Variants in SH3BGRL observed in about 807,000 individuals in gnomAD.
The protein encoded by SH3BGRL is adapter SH3BGRL.
Under a neutral mutation model 9.8 loss-of-function variants are expected in SH3BGRL, and 7 were observed. The ratio of observed to expected loss-of-function variants is 0.72; its 90% confidence interval spans 0.41 to 1.35. The LOEUF (loss-of-function observed/expected upper bound fraction) is 1.35. Ranked by LOEUF, SH3BGRL falls within the 40% of genes most tolerant of loss-of-function variation. The pLI, the probability that SH3BGRL is intolerant of heterozygous loss-of-function variation, is 0.01. For missense variants in SH3BGRL, 73 were observed against 84.4 expected, an observed-to-expected ratio of 0.86 and a Z score of 0.53; for synonymous variants, 36 against 29.1, an observed-to-expected ratio of 1.24 and a Z score of -0.76.
At chrX:81,239,945 GA>G (rs2075662568) in intron 1 of SH3BGRL, among the ~76,000 whole-genome samples, 3 of 112,048 alleles carry the variant, frequency 2.7e-5, no homozygotes, top group African/African-American at 9.7e-5. Flanking sequence ...ACTTGAAGGA[GA>G]AATATTTTCC....
chrX:81,224,867 A>C (rs2075611826), intron 1 of SH3BGRL, among the ~76,000 whole-genome samples: 1 of 109,964 alleles, frequency 9.1e-6, no homozygotes, highest in Admixed American at 9.8e-5. Flanking sequence ...TCAACTCTGG[A>C]GTTGGGAACA....
intron 1 of SH3BGRL, among the ~76,000 whole-genome samples, chrX:81,273,649 G>GTT (rs11354793): frequency 4.2e-5 from 3 of 70,928 alleles, no homozygotes; most frequent in African/African-American, 1.1e-4. Flanking sequence ...TGGTTAAATG[G>GTT]TTTTTTTTTT....
Position 81,231,721 on chromosome X carries a change from A to T in SH3BGRL, c.45+29476A>T, listed in dbSNP as rs1217623920. Among the ~76,000 whole-genome samples the T allele has an allele frequency of 3.6e-5, 4 of 111,861 alleles. 1 individual carries two copies. Among genetic ancestry groups the T allele is most frequent in the Admixed American group, 2.8e-4 (3 of 10,567 alleles). On this transcript the variant is annotated intron_variant, in intron 1 of 3. Transcript: ENST00000373212. ...TTATAGTGGCAATAATTCTAAGGAGAACCTTTTGGAGCTCAGTCAGCTTAC... is the reference window on the plus strand; with the variant it reads ...TTATAGTGGCAATAATTCTAAGGAGTACCTTTTGGAGCTCAGTCAGCTTAC...
chrX:81,215,204 A>G (rs999006981), intron 1 of SH3BGRL, among the ~76,000 whole-genome samples: 13 of 110,385 alleles, frequency 1.2e-4, no homozygotes, highest in African/African-American at 4.3e-4. Flanking sequence ...CTAGAATTTC[A>G]TACTTCTACA....
At chrX:81,237,137 G>C (rs1195576724) in intron 1 of SH3BGRL, 2 of 761,582 alleles carry the variant, frequency 2.6e-6, no homozygotes, top group Non-Finnish European at 3.5e-6. Context: ...GGATCAAGAT[G>C]GTGAAATAGA....
intron 3 of SH3BGRL, among the ~76,000 whole-genome samples, chrX:81,290,956 G>T (rs894688160): frequency 9.0e-6 from 1 of 111,491 alleles, no homozygotes; most frequent in Non-Finnish European, 1.9e-5. Flanking sequence ...GGTCATTTTT[G>T]CATTATTATA....
intron 1 of SH3BGRL, among the ~76,000 whole-genome samples, chrX:81,266,367 A>T (rs1323287207): frequency 9.0e-6 from 1 of 111,408 alleles, no homozygotes; most frequent in African/African-American, 3.3e-5. Flanking sequence ...TCTTGAGTTG[A>T]TTTTTGTATA....
At chrX:81,236,128 G>A (rs1371746399) in intron 1 of SH3BGRL, among the ~76,000 whole-genome samples, 1 of 111,521 alleles carries the variant, frequency 9.0e-6, no homozygotes, top group Non-Finnish European at 1.9e-5. Context: ...ACTTCAGTGT[G>A]TATAGCCTAC....
At chrX:81,253,453 A>G (rs1055742094) in intron 1 of SH3BGRL, among the ~76,000 whole-genome samples, 1 of 111,512 alleles carries the variant, frequency 9.0e-6, no homozygotes, top group Admixed American at 9.6e-5. Context: ...TCCTGGCCTC[A>G]AGCAAACCTC....
intron 1 of SH3BGRL, among the ~76,000 whole-genome samples, chrX:81,216,561 C>T (rs911978210): frequency 3.6e-5 from 4 of 110,771 alleles, no homozygotes; most frequent in Non-Finnish European, 7.6e-5. Flanking sequence ...TATTTTTGTA[C>T]CCATTAACCA....
intron 1 of SH3BGRL, among the ~76,000 whole-genome samples, chrX:81,231,588 G>C (rs1270590863): frequency 1.8e-5 from 2 of 112,305 alleles, no homozygotes; most frequent in Non-Finnish European, 3.8e-5. Flanking sequence ...GTTTGTTGCT[G>C]TATGTAGCTG....
intron 1 of SH3BGRL, among the ~76,000 whole-genome samples, chrX:81,268,542 A>G (rs2147705783): frequency 9.0e-6 from 1 of 110,934 alleles, no homozygotes; most frequent in South Asian, 3.8e-4. Flanking sequence ...TGAGATTCTT[A>G]CTCCTGAGTT....
chrX:81,258,103 G>A (rs1202582407), intron 1 of SH3BGRL, among the ~76,000 whole-genome samples: 3 of 110,813 alleles, frequency 2.7e-5, no homozygotes, highest in African/African-American at 9.9e-5. Context: ...CCTTTTTACT[G>A]CTGAAATCAG....
At chrX:81,286,498 CAAAAAAAAAAAAAAAAA>C (rs570813241) in intron 3 of SH3BGRL, among the ~76,000 whole-genome samples, 8 of 46,398 alleles carry the variant, frequency 1.7e-4, no homozygotes, top group Non-Finnish European at 2.5e-4. Context: ...AGCTACTAGG[CAAAAAAAAAAAAAAAAA>C]AAAAAAAAAG....
intron 1 of SH3BGRL, among the ~76,000 whole-genome samples, chrX:81,225,429 G>A (rs2075613871): frequency 9.1e-6 from 1 of 110,228 alleles, no homozygotes; most frequent in Non-Finnish European, 1.9e-5. Flanking sequence ...ACCTTTAATA[G>A]TCTCCATTGC....
At chrX:81,289,607 C>T (rs1442538601) in intron 3 of SH3BGRL, among the ~76,000 whole-genome samples, 1 of 111,259 alleles carries the variant, frequency 9.0e-6, no homozygotes, top group African/African-American at 3.3e-5. Flanking sequence ...CCTTTAATCC[C>T]AGCACTTTGG....
chrX:81,272,922 C>A (rs749362363), intron 1 of SH3BGRL, among the ~76,000 whole-genome samples: 1 of 111,514 alleles, frequency 9.0e-6, no homozygotes, highest in Non-Finnish European at 1.9e-5. Context: ...CTGAGTCAGT[C>A]AAAAATTATA....
intron 1 of SH3BGRL, among the ~76,000 whole-genome samples, chrX:81,211,227 G>C (rs2075562098): frequency 9.0e-6 from 1 of 111,708 alleles, no homozygotes; most frequent in South Asian, 3.7e-4. Context: ...GTGTCAACTT[G>C]ATTGGATTGA....
rs113736993 is a variant in SH3BGRL, at chrX:81,205,800, C to G, written c.45+3555C>G. Reference sequence around the variant, plus strand: ...TTTTGAGAAATCTCTGTGCTGTTTTCCATAGCAGCTGTACTAATTTACATT... The same window carrying G: ...TTTTGAGAAATCTCTGTGCTGTTTTGCATAGCAGCTGTACTAATTTACATT... On this transcript the variant is annotated intron_variant, in intron 1 of 3. Transcript: ENST00000373212. 5.6e-3 allele frequency among the ~76,000 whole-genome samples: 617 copies of G among 110,258 alleles called. 6 individuals are homozygous for G. The highest frequency in any genetic ancestry group is 0.019 in the African/African-American group (576 of 30,359).
Sources: allele counts gnomAD v4.1 joint callset (sites outside exome capture counted in the v4.1 genomes callset), GRCh38; gene constraint gnomAD v4.1.1; transcripts MANE v1.5; gene names NCBI Gene and HGNC (gene_info 2026-07-23, HGNC 2026-07-21).